Variants in PCDHGB4 observed in about 807,000 individuals in gnomAD.
PCDHGB4 encodes the protein protocadherin gamma subfamily B, 4.
In PCDHGB4, 38 loss-of-function variants were observed where a neutral mutation model predicts 60.5. The observed-to-expected ratio is 0.63, with a 90% CI of 0.48 to 0.82. The LOEUF is 0.82. PCDHGB4 is among the 40% of genes least tolerant of loss of function. The probability of loss-of-function intolerance (pLI) is 0.00; values close to 1 mark genes in which losing one functional copy is unlikely to be tolerated. For missense variants in PCDHGB4, 1,109 were observed against 1,209.6 expected, an observed-to-expected ratio of 0.92 and a Z score of 1.23; for synonymous variants, 456 against 509.7, an observed-to-expected ratio of 0.89 and a Z score of 1.42.
chr5:141,478,186 C>T, intron 1 of PCDHGB4: 2 of 1,614,016 alleles, frequency 1.2e-6, no homozygotes, highest in Non-Finnish European at 1.7e-6. Context: ...AAAAAAATCT[C>T]ACCTTTTATC....
At chr5:141,479,986 C>T (rs2099510881) in intron 1 of PCDHGB4, among the ~76,000 whole-genome samples, 1 of 152,200 alleles carries the variant, frequency 6.6e-6, no homozygotes, top group Non-Finnish European at 1.5e-5. Flanking sequence ...CATTTACCAA[C>T]TAGGAGTCTG....
intron 2 of PCDHGB4, among the ~76,000 whole-genome samples, chr5:141,498,962 A>G (rs1257746192): frequency 8.0e-6 from 1 of 124,866 alleles, no homozygotes; most frequent in Non-Finnish European, 1.7e-5. Context: ...AGAGAGAGGG[A>G]GGGAGGGAGG....
chr5:141,480,651 C>T (rs780138971), intron 1 of PCDHGB4, among the ~76,000 whole-genome samples: 1 of 152,174 alleles, frequency 6.6e-6, no homozygotes, highest in African/African-American at 2.4e-5. Flanking sequence ...CTTGGTTGCA[C>T]ATTAAAATCA....
chr5:141,463,446 T>TC, intron 1 of PCDHGB4, among the ~76,000 whole-genome samples: 1 of 125,012 alleles, frequency 8.0e-6, no homozygotes, highest in Non-Finnish European at 1.7e-5. Flanking sequence ...TCCTTTTTTT[T>TC]TTTTTTTTTT....
intron 1 of PCDHGB4, chr5:141,405,047 G>C: frequency 1.2e-6 from 2 of 1,613,944 alleles, no homozygotes; most frequent in Non-Finnish European, 1.7e-6. Flanking sequence ...GGCTGTGGCA[G>C]TCGTCTCCTG....
In PCDHGB4 at chr5:141,431,465, AACG is replaced by A; in HGVS notation, c.2397+41187_2397+41189del. 1.9e-6 allele frequency: 3 copies of A among 1,613,790 alleles called. No homozygotes were observed. The highest frequency in any genetic ancestry group is 2.5e-6 in the Non-Finnish European group (3 of 1,179,970). ...CATCCGCGTGATGGTTCTGGATGCGAACGACAACGCACCAGCGTTTGCTCAGCC... is the reference window on the plus strand; with the variant it reads ...CATCCGCGTGATGGTTCTGGATGCGAACAACGCACCAGCGTTTGCTCAGCC... On this transcript the variant is annotated intron_variant, in intron 1 of 3. Transcript: ENST00000519479. The surrounding 1 kb of genome is among the most constrained non-coding windows in gnomAD (Gnocchi z 4.8).
chr5:141,399,909 A>G (rs1181363803), intron 1 of PCDHGB4: 6 of 1,612,410 alleles, frequency 3.7e-6, no homozygotes, highest in East Asian at 4.5e-5. Flanking sequence ...ACGCAGACTC[A>G]GGACACAACG....
At position 141,491,752 on chromosome 5, in the gene PCDHGB4, G is replaced by C. The variant is rs1464731659; in HGVS notation, c.2398-3055G>C. 6 of 1,586,646 alleles carry C rather than the reference G, an allele frequency of 3.8e-6. No homozygotes were observed. The African/African-American group carries it at 8.1e-5, about 21-fold the overall frequency. On this transcript the variant is annotated intron_variant, in intron 1 of 3. Transcript: ENST00000519479. The surrounding 1 kb of genome is among the most constrained non-coding windows in gnomAD (Gnocchi z 6.9). ...GACCCCTGGGGGCGGCACTGGAGAA[G>C]CCGCCCGTCCTCATAAGGGATTGAA...
chr5:141,464,911 T>G (rs2099093002), intron 1 of PCDHGB4, among the ~76,000 whole-genome samples: 1 of 151,718 alleles, frequency 6.6e-6, no homozygotes, highest in Non-Finnish European at 1.5e-5. Context: ...GCTAATTTTT[T>G]TATTTTTTTG....
intron 1 of PCDHGB4, chr5:141,419,693 A>G (rs1241615790): frequency 6.2e-7 from 1 of 1,612,884 alleles, no homozygotes; most frequent in Non-Finnish European, 8.5e-7. Flanking sequence ...GGTGCAGGCC[A>G]GTGAGCCCGG....
At position 141,478,208 on chromosome 5, in the gene PCDHGB4, C is replaced by G. The variant is rs200735608; in HGVS notation, c.2398-16599C>G. The G allele has an allele frequency of 2.5e-6, 4 of 1,614,096 alleles. No individual in the cohort carries two copies. The East Asian group carries it at 8.9e-5, about 36-fold the overall frequency. ...TCTCACCTTTTATCTACTTCTTTCTCTAATCCTGGTTTCTGTGGGGTTTGT... is the reference window on the plus strand; with the variant it reads ...TCTCACCTTTTATCTACTTCTTTCTGTAATCCTGGTTTCTGTGGGGTTTGT... On this transcript the variant is annotated intron_variant, in intron 1 of 3. Coordinates refer to ENST00000519479, the MANE Select transcript of PCDHGB4 (RefSeq NM_003736.4).
chr5:141,400,292 G>T, intron 1 of PCDHGB4: 1 of 1,614,078 alleles, frequency 6.2e-7, no homozygotes, highest in South Asian at 1.1e-5. Flanking sequence ...GCCTGGAGCT[G>T]CTTCCAACCT....
At chr5:141,394,348 G>C (rs1376364642) in intron 1 of PCDHGB4, 2 of 1,614,050 alleles carry the variant, frequency 1.2e-6, no homozygotes, top group Non-Finnish European at 1.7e-6. Flanking sequence ...TCTGACACCG[G>C]TGTCCTGTAT....
In PCDHGB4 at chr5:141,485,556, A is replaced by T; in HGVS notation, c.2398-9251A>T. On this transcript the variant is annotated intron_variant, in intron 1 of 3. Coordinates refer to ENST00000519479, the MANE Select transcript of PCDHGB4 (RefSeq NM_003736.4). This position sits in a 1 kb window ranked among gnomAD's most constrained non-coding sequence, Gnocchi z 5.7. ...GAGGTAGAGATCGTAGATGTGAATG[A>T]TCACGCCCCCCGTTTTCCGCGGCAG... is the stretch of plus-strand genomic sequence containing the variant. The T allele has an allele frequency of 6.2e-7, 1 of 1,613,664 alleles. No homozygotes were observed. Among genetic ancestry groups the T allele is most frequent in the Non-Finnish European group, 8.5e-7 (1 of 1,179,644 alleles).
intron 1 of PCDHGB4, among the ~76,000 whole-genome samples, chr5:141,473,698 T>A (rs2099327181): frequency 6.6e-6 from 1 of 152,166 alleles, no homozygotes; most frequent in Non-Finnish European, 1.5e-5. Context: ...CTGACCACCC[T>A]CCAAGTGGTG....
chr5:141,440,535 G>C (rs1305958587), intron 1 of PCDHGB4: 1 of 152,154 alleles, frequency 6.6e-6, no homozygotes, highest in African/African-American at 2.4e-5. Flanking sequence ...CATGCACCAC[G>C]GTTCAGCAGG....
intron 1 of PCDHGB4, chr5:141,478,091 A>G: frequency 6.2e-7 from 1 of 1,613,972 alleles, no homozygotes; most frequent in African/African-American, 1.3e-5. Flanking sequence ...GCTCTCCACC[A>G]CTGCTACCCT....
rs537087639 is a variant in PCDHGB4 at position 141,510,502 on chromosome 5, G to A, written c.2546-445G>A. 3.3e-5 allele frequency among the ~76,000 whole-genome samples: 5 copies of A among 152,296 alleles called. No homozygotes were observed. The South Asian group carries it at 6.2e-4, about 19-fold the overall frequency. ...CTTGAGAAAGCCAGGGCAAGGAACTGAGAGCCCGTGTCACAGCCCTGAGAG... is the reference window on the plus strand; with the variant it reads ...CTTGAGAAAGCCAGGGCAAGGAACTAAGAGCCCGTGTCACAGCCCTGAGAG... On this transcript the variant is annotated intron_variant, in intron 3 of 3. Coordinates refer to ENST00000519479, the MANE Select transcript of PCDHGB4 (RefSeq NM_003736.4).
chr5:141,427,787 C>T, intron 1 of PCDHGB4: 1 of 1,478,068 alleles, frequency 6.8e-7, no homozygotes, highest in Non-Finnish European at 9.4e-7. Flanking sequence ...CACTGTCGTC[C>T]TACGTGTCCG....
Sources: allele counts gnomAD v4.1 joint callset (sites outside exome capture counted in the v4.1 genomes callset), GRCh38; gene constraint gnomAD v4.1.1; non-coding constraint Gnocchi (gnomAD v3.1); transcripts MANE v1.5; gene names NCBI Gene and HGNC (gene_info 2026-07-23, HGNC 2026-07-21).